Variants in NRG3 observed in about 807,000 individuals in gnomAD.
NRG3 encodes pro-neuregulin-3, membrane-bound isoform.
Under a neutral mutation model 66.9 loss-of-function variants are expected in NRG3, and 31 were observed. The ratio of observed to expected loss-of-function variants is 0.46; its 90% CI spans 0.35 to 0.63. The LOEUF (loss-of-function observed/expected upper bound fraction) is 0.63, where lower values mean the gene tolerates loss of function less well. Among genes scored for constraint, NRG3 ranks in the 20% least tolerant of loss-of-function variants. The pLI, the probability that NRG3 is intolerant of heterozygous loss-of-function variation, is 0.00. For synonymous variants in NRG3, 393 were observed against 359.4 expected, an observed-to-expected ratio of 1.09 and a Z score of -1.06; for missense variants, 910 against 878.9, an observed-to-expected ratio of 1.04 and a Z score of -0.45.
At chr10:82,098,844 A>G (rs1018311439) in intron 1 of NRG3, among the ~76,000 whole-genome samples, 4 of 152,080 alleles carry the variant, frequency 2.6e-5, no homozygotes, top group African/African-American at 4.8e-5. Context: ...GCTCACTGCA[A>G]GCTCCACCTC....
chr10:81,885,360 A>G (rs920902303), intron 1 of NRG3, among the ~76,000 whole-genome samples: 3 of 152,192 alleles, frequency 2.0e-5, no homozygotes, highest in Non-Finnish European at 4.4e-5. Context: ...TACCAAATCA[A>G]TGATGGGAGT....
intron 1 of NRG3, among the ~76,000 whole-genome samples, chr10:82,288,851 C>T (rs1490795276): frequency 2.6e-5 from 4 of 152,172 alleles, no homozygotes; most frequent in Admixed American, 2.0e-4. Context: ...TGAGATGGCT[C>T]ATGAGTAATT....
chr10:82,893,221 C>A (rs1218796274), intron 4 of NRG3, among the ~76,000 whole-genome samples: 1 of 152,090 alleles, frequency 6.6e-6, no homozygotes, highest in South Asian at 2.1e-4. Context: ...ACAGCCTCCA[C>A]AAATTTCAAA....
intron 4 of NRG3, among the ~76,000 whole-genome samples, chr10:82,894,343 A>G (rs1158779628): frequency 6.6e-6 from 1 of 152,232 alleles, no homozygotes; most frequent in Admixed American, 6.5e-5. Context: ...TAAGCCTAGC[A>G]TATATTTTTT....
In NRG3 at chr10:82,368,897, T is replaced by C. The variant is rs868214162; in HGVS notation, c.953+10029T>C. ...GGGTAAATATTTCAATAAAACCTTC[T>C]CAAAACAGGATAAAGATGGCTCAGC... is the stretch of plus-strand genomic sequence containing the variant. On this transcript the variant is annotated intron_variant, in intron 2 of 8. Transcript: ENST00000372141. Among the ~76,000 whole-genome samples the C allele has an allele frequency of 1.1e-3, 149 of 138,204 alleles. 40 individuals are homozygous for C. The highest frequency in any genetic ancestry group is 4.9e-3 in the African/African-American group (144 of 29,634). 90.7% of individuals were successfully genotyped at this position (138,204 alleles called of 152,430 possible).
At chr10:82,092,054 AT>A (rs544806012) in intron 1 of NRG3, among the ~76,000 whole-genome samples, 52 of 152,220 alleles carry the variant, frequency 3.4e-4, no homozygotes, top group Admixed American at 1.1e-3. Flanking sequence ...TATAGTTAAC[AT>A]TTTTTTGGCA....
chr10:82,076,833 T>C (rs1440042434), intron 1 of NRG3, among the ~76,000 whole-genome samples: 1 of 152,230 alleles, frequency 6.6e-6, no homozygotes, highest in Non-Finnish European at 1.5e-5. Context: ...CAAACCTCTT[T>C]TCTTAATAAA....
intron 1 of NRG3, among the ~76,000 whole-genome samples, chr10:81,896,767 C>G (rs930003686): frequency 6.6e-5 from 10 of 151,594 alleles, no homozygotes; most frequent in African/African-American, 2.4e-4. Context: ...AACAAGCATG[C>G]CTGATTCCTC....
intron 1 of NRG3, among the ~76,000 whole-genome samples, chr10:81,973,727 T>G (rs1398365757): frequency 6.6e-6 from 1 of 152,206 alleles, no homozygotes. Context: ...ATGTCTGTTA[T>G]GTCCTTTGCC....
chr10:82,981,995 T>A (rs1852960365), intron 8 of NRG3, among the ~76,000 whole-genome samples: 1 of 152,184 alleles, frequency 6.6e-6, no homozygotes, highest in South Asian at 2.1e-4. Flanking sequence ...TATCAGAGTT[T>A]AAATGGCTAG....
At chr10:82,879,646 TC>T (rs935212396) in intron 4 of NRG3, among the ~76,000 whole-genome samples, 17 of 151,812 alleles carry the variant, frequency 1.1e-4, no homozygotes, top group Admixed American at 5.9e-4. Flanking sequence ...CTAATTTTTT[TC>T]GTATTTTTTA....
intron 1 of NRG3, among the ~76,000 whole-genome samples, chr10:81,967,144 A>T (rs1286753356): frequency 6.6e-6 from 1 of 151,828 alleles, no homozygotes. Context: ...TATGTATCAT[A>T]TATTTGTAGC....
At chr10:81,904,389 C>A (rs1354912223) in intron 1 of NRG3, among the ~76,000 whole-genome samples, 1 of 152,002 alleles carries the variant, frequency 6.6e-6, no homozygotes. Flanking sequence ...GATGAGCTCC[C>A]AGTTTAATTA....
chr10:82,159,409 T>C (rs2071411700), intron 1 of NRG3, among the ~76,000 whole-genome samples: 1 of 151,804 alleles, frequency 6.6e-6, no homozygotes, highest in Non-Finnish European at 1.5e-5. Context: ...AAATGTTGCT[T>C]TCCCTGTCTG....
At position 82,985,567 on chromosome 10, in the gene NRG3, A is replaced by G; in HGVS notation, c.2053A>G (p.Arg685Gly). ...KSEREAQFVL[R>G]NEIQRDSALT... is the part of the protein sequence containing the mutation. Reference sequence around the variant, plus strand: ...AGAACGAGAGGCGCAATTTGTCTTAAGAAATGAAATACAAAGAGACTCTGC... The same window carrying G: ...AGAACGAGAGGCGCAATTTGTCTTAGGAAATGAAATACAAAGAGACTCTGC... Residue 685 changes from arginine to glycine, a missense_variant, in exon 9 of 9, where the codon AGA becomes GGA. By Grantham distance (125) the Arg-to-Gly change is moderately radical (BLOSUM62 -2). Transcript: ENST00000372141. 3.1e-6 allele frequency: 5 copies of G among 1,613,666 alleles called. No individual in the cohort carries two copies. The highest frequency in any genetic ancestry group is 4.2e-6 in the Non-Finnish European group (5 of 1,179,990).
intron 2 of NRG3, among the ~76,000 whole-genome samples, chr10:82,443,317 T>G (rs1203526767): frequency 2.0e-4 from 30 of 152,142 alleles, no homozygotes; most frequent in Admixed American, 2.0e-3. Context: ...TTATCACTCA[T>G]GTAATAAATA....
intron 1 of NRG3, among the ~76,000 whole-genome samples, chr10:82,158,693 G>T (rs1459769164): frequency 6.6e-6 from 1 of 151,704 alleles, no homozygotes; most frequent in African/African-American, 2.4e-5. Context: ...TCATTCCTTT[G>T]GGCTTATGTA....
At chr10:82,930,209 C>A (rs1388720177) in intron 4 of NRG3, among the ~76,000 whole-genome samples, 4 of 152,140 alleles carry the variant, frequency 2.6e-5, no homozygotes, top group Admixed American at 2.0e-4. Flanking sequence ...TTGTTAGAAC[C>A]TGCACACCAG....
rs550226613 is a variant in NRG3, at chr10:82,764,255, G to A, written c.1027+25605G>A. Among the ~76,000 whole-genome samples, 13 of 151,890 alleles carry A rather than the reference G, an allele frequency of 8.6e-5. No individual in the cohort carries two copies. In the South Asian group the frequency reaches 1.2e-3, roughly 15 times the overall value. ...TTGCCATGTTGACCAGGCTGGTCTCGAACTCGTAGCCTCAAGTGATCTGCC... is the reference window on the plus strand; with the variant it reads ...TTGCCATGTTGACCAGGCTGGTCTCAAACTCGTAGCCTCAAGTGATCTGCC... On this transcript the variant is annotated intron_variant, in intron 3 of 8. Coordinates refer to ENST00000372141, the MANE Select transcript of NRG3 (RefSeq NM_001010848.4).
Sources: allele counts gnomAD v4.1 joint callset (sites outside exome capture counted in the v4.1 genomes callset), GRCh38; gene constraint gnomAD v4.1.1; transcripts MANE v1.5; gene names NCBI Gene and HGNC (gene_info 2026-07-23, HGNC 2026-07-21).